Variants in NCKAP5 observed in about 807,000 individuals in gnomAD.
NCKAP5 encodes the protein NCK associated protein 5, also known as nck-associated protein 5.
Under a neutral mutation model 167.0 loss-of-function variants are expected in NCKAP5, and 92 were observed. The ratio of observed to expected loss-of-function variants is 0.55; its 90% CI spans 0.47 to 0.66. The LOEUF is 0.66. NCKAP5 is among the 30% of genes least tolerant of loss of function. The pLI is 0.00. For synonymous variants in NCKAP5, 891 were observed against 877.4 expected (o/e 1.02, Z -0.27); for missense variants, 2,378 against 2,315.0 (o/e 1.03, Z -0.56).
At position 132,781,978 on chromosome 2, in the gene NCKAP5, A is replaced by G; in HGVS notation, c.4833T>C (p.Cys1611=). ...CCGTCATGAAGGTGTCTTTCGTTGA[A>G]CATGCAACAGGGCTGTGTCTATTCC... ...EPRNRHSPVA[C]STKDTFMTEL... Residue 1611 remains cysteine, a synonymous_variant, in exon 14 of 20, where the codon TGT becomes TGC. Transcript: ENST00000409261. The G allele has an allele frequency of 6.2e-7, 1 of 1,613,512 alleles. No individual in the cohort carries two copies. The highest frequency in any genetic ancestry group is 8.5e-7 in the Non-Finnish European group (1 of 1,179,652).
the NCKAP5 span, among the ~76,000 whole-genome samples, chr2:133,618,796 C>A: frequency 7.1e-6 from 1 of 141,694 alleles, no homozygotes; most frequent in African/African-American, 2.6e-5. Context: ...CCAGCCATCC[C>A]ATTACTGGGT....
chr2:133,108,294 G>C (rs2081786110), intron 6 of NCKAP5, among the ~76,000 whole-genome samples: 1 of 152,166 alleles, frequency 6.6e-6, no homozygotes, highest in South Asian at 2.1e-4. Flanking sequence ...AGAGAGAAAT[G>C]CTAGAGGACA....
At chr2:133,618,370 C>A in the NCKAP5 span, among the ~76,000 whole-genome samples, 3 of 151,286 alleles carry the variant, frequency 2.0e-5, no homozygotes, top group African/African-American at 4.9e-5. Context: ...AACAGGCAAC[C>A]TACAAAATGG....
chr2:133,010,110 C>T (rs998232613), intron 6 of NCKAP5, among the ~76,000 whole-genome samples: 20 of 151,728 alleles, frequency 1.3e-4, no homozygotes, highest in African/African-American at 4.8e-4. Flanking sequence ...CAAACAGAGG[C>T]TCTCTGGAGA....
chr2:133,593,405 A>C, the NCKAP5 span, among the ~76,000 whole-genome samples: 1 of 152,018 alleles, frequency 6.6e-6, no homozygotes, highest in Admixed American at 6.6e-5. Flanking sequence ...CCCTTGGACC[A>C]ATGGTGTCTT....
chr2:133,568,982 A>G (rs765479677), upstream of NCKAP5, among the ~76,000 whole-genome samples: 22 of 152,210 alleles, frequency 1.4e-4, no homozygotes, highest in Non-Finnish European at 2.2e-4. Flanking sequence ...GATCCTTGAA[A>G]TCACAGCAAC....
intron 10 of NCKAP5, among the ~76,000 whole-genome samples, chr2:132,868,162 T>C (rs1412793400): frequency 3.3e-5 from 5 of 152,186 alleles, no homozygotes; most frequent in Non-Finnish European, 5.9e-5. Context: ...AAAGTTTCTT[T>C]TGGAGAAGTC....
intron 6 of NCKAP5, among the ~76,000 whole-genome samples, chr2:133,065,352 C>T (rs554778218): frequency 6.6e-6 from 1 of 152,310 alleles, no homozygotes; most frequent in South Asian, 2.1e-4. Context: ...GTTGGCCAGG[C>T]ATGGTGGCTT....
chr2:133,047,038 C>T (rs1481178818), intron 6 of NCKAP5, among the ~76,000 whole-genome samples: 1 of 152,152 alleles, frequency 6.6e-6, no homozygotes, highest in African/African-American at 2.4e-5. Context: ...CTTCTTTGAT[C>T]ACAGAAACCC....
intron 3 of NCKAP5, among the ~76,000 whole-genome samples, chr2:133,445,072 T>C (rs1691109559): frequency 6.6e-6 from 1 of 152,188 alleles, no homozygotes; most frequent in South Asian, 2.1e-4. Flanking sequence ...AGGAAATAAT[T>C]TATTAAAAGG....
chr2:133,367,125 A>G (rs1285333909), intron 3 of NCKAP5, among the ~76,000 whole-genome samples: 2 of 152,210 alleles, frequency 1.3e-5, no homozygotes, highest in Non-Finnish European at 2.9e-5. Flanking sequence ...AGAAAACCAG[A>G]ACAAAACAAC....
At chr2:133,474,155 TAC>T (rs1553649111) in intron 3 of NCKAP5, among the ~76,000 whole-genome samples, 12,271 of 142,550 alleles carry the variant, frequency 0.086, 1,243 homozygotes, top group African/African-American at 0.28. Context: ...TATCTATCTA[TAC>T]ACACACACAC....
chr2:133,298,020 A>G (rs1408553605), intron 4 of NCKAP5, among the ~76,000 whole-genome samples: 1 of 152,208 alleles, frequency 6.6e-6, no homozygotes, highest in Non-Finnish European at 1.5e-5. Context: ...TAACTTATGA[A>G]CAAGCACTTA....
the NCKAP5 span, among the ~76,000 whole-genome samples, chr2:133,605,900 T>C: frequency 6.6e-6 from 1 of 152,200 alleles, no homozygotes; most frequent in Non-Finnish European, 1.5e-5. Flanking sequence ...GAGGCTCCTC[T>C]GAGGCTCTGT....
chr2:133,607,442 TG>T, the NCKAP5 span, among the ~76,000 whole-genome samples: 5 of 152,156 alleles, frequency 3.3e-5, no homozygotes, highest in Admixed American at 3.3e-4. Flanking sequence ...CACCCATCCC[TG>T]CTCTGTTAGA....
chr2:132,744,637 A>T (rs1343318084), intron 16 of NCKAP5, among the ~76,000 whole-genome samples: 3 of 74,740 alleles, frequency 4.0e-5, no homozygotes, highest in African/African-American at 1.3e-4. Flanking sequence ...AAGAAAATTA[A>T]AAAAAAAAAC....
chr2:133,666,225 C>G, the NCKAP5 span, among the ~76,000 whole-genome samples: 1 of 108,860 alleles, frequency 9.2e-6, no homozygotes, highest in Admixed American at 1.2e-4. Context: ...GAGACTGAGT[C>G]TTTCTCTTGT....
chr2:133,579,869 A>G, the NCKAP5 span, among the ~76,000 whole-genome samples: 1 of 152,194 alleles, frequency 6.6e-6, no homozygotes, highest in Non-Finnish European at 1.5e-5. Context: ...TCACATATGT[A>G]CCTTTCTCTC....
chr2:133,043,251 T>A (rs2079273946), intron 6 of NCKAP5, among the ~76,000 whole-genome samples: 1 of 152,192 alleles, frequency 6.6e-6, no homozygotes, highest in Admixed American at 6.6e-5. Flanking sequence ...GTTAATTCAG[T>A]GCCAAGTACT....
Sources: allele counts gnomAD v4.1 joint callset (sites outside exome capture counted in the v4.1 genomes callset), GRCh38; gene constraint gnomAD v4.1.1; transcripts MANE v1.5; gene names NCBI Gene and HGNC (gene_info 2026-07-23, HGNC 2026-07-21).